RUNX1: variants seen among roughly 807,000 people sequenced by gnomAD.
RUNX1 encodes RUNX family transcription factor 1.
A neutral mutation model predicts 42.8 loss-of-function variants in RUNX1; 19 were observed. That is an observed-to-expected ratio of 0.44 (90% CI 0.31 to 0.65). The LOEUF (loss-of-function observed/expected upper bound fraction) is 0.65. Among genes scored for constraint, RUNX1 ranks in the 30% least tolerant of loss-of-function variants. The pLI is 0.07. For missense variants in RUNX1, 528 were observed against 672.0 expected (o/e 0.79, Z 2.37); for synonymous variants, 271 against 289.4 (o/e 0.94, Z 0.64).
At chr21:34,849,008 T>C (rs1304629081) in intron 6 of RUNX1, among the ~76,000 whole-genome samples, 1 of 151,410 alleles carries the variant, frequency 6.6e-6, no homozygotes, top group Admixed American at 6.6e-5. Flanking sequence ...CAAAAACAAA[T>C]ACAAAATCAA....
At chr21:34,859,424 G>A in intron 6 of RUNX1, 50 bp downstream of exon 6, 1 of 1,297,778 alleles carries the variant, frequency 7.7e-7, no homozygotes, top group Non-Finnish European at 1.1e-6. Context: ...TACCAGCCTG[G>A]AGGGTGTACC....
At chr21:34,923,285 T>G (rs1164521186) in intron 2 of RUNX1, among the ~76,000 whole-genome samples, 1 of 152,230 alleles carries the variant, frequency 6.6e-6, no homozygotes, top group Non-Finnish European at 1.5e-5. Context: ...ATGAAATATC[T>G]ATATTTAAAT....
intron 2 of RUNX1, among the ~76,000 whole-genome samples, chr21:34,998,431 C>T (rs2059013587): frequency 6.6e-6 from 1 of 152,144 alleles, no homozygotes; most frequent in African/African-American, 2.4e-5. Context: ...CATCCTCCTC[C>T]TCAGAGAATT....
At chr21:34,834,171 T>C (rs1386942028) in intron 7 of RUNX1, 1 of 698,950 alleles carries the variant, frequency 1.4e-6, no homozygotes, top group Non-Finnish European at 2.6e-6. Flanking sequence ...TCTGTAGCAG[T>C]GCTTTTCCTT....
intron 3 of RUNX1, among the ~76,000 whole-genome samples, chr21:34,891,496 C>G (rs561508422): frequency 1.3e-5 from 2 of 152,192 alleles, no homozygotes; most frequent in Non-Finnish European, 2.9e-5. Context: ...ACCCCTTAGT[C>G]GGCCGGGCAT....
chr21:34,888,623 G>C, intron 3 of RUNX1: 1 of 1,056,214 alleles, frequency 9.5e-7, no homozygotes, highest in African/African-American at 1.7e-5. Context: ...CGCAGGGCCG[G>C]GCAGCGTGGT....
At chr21:35,035,951 G>A (rs1424724520) in intron 2 of RUNX1, among the ~76,000 whole-genome samples, 2 of 152,180 alleles carry the variant, frequency 1.3e-5, no homozygotes, top group Admixed American at 6.5e-5. Context: ...AAACTGAGAG[G>A]GTTAAGGGTT....
chr21:34,793,531 G>T (rs2056480329), intron 8 of RUNX1, among the ~76,000 whole-genome samples: 2 of 151,536 alleles, frequency 1.3e-5, no homozygotes, highest in South Asian at 2.1e-4. Flanking sequence ...ATCCAAAAAA[G>T]AATACTTCCT....
intron 2 of RUNX1, among the ~76,000 whole-genome samples, chr21:34,974,985 T>G (rs752087764): frequency 1.3e-5 from 2 of 152,022 alleles, no homozygotes; most frequent in African/African-American, 2.4e-5. Flanking sequence ...AGGCTCAGAG[T>G]GATTGGATAA....
At chr21:34,793,533 A>T (rs1400994321) in intron 8 of RUNX1, among the ~76,000 whole-genome samples, 1 of 152,072 alleles carries the variant, frequency 6.6e-6, no homozygotes, top group Admixed American at 6.5e-5. Context: ...CCAAAAAAGA[A>T]TACTTCCTGA....
intron 7 of RUNX1, chr21:34,821,397 A>G (rs924150522): frequency 1.5e-5 from 19 of 1,282,166 alleles, no homozygotes; most frequent in East Asian, 2.8e-5. Flanking sequence ...AATACACACA[A>G]TGCTTCCCAT....
At chr21:34,889,675 A>G (rs1220621841) in intron 3 of RUNX1, 3 of 1,151,582 alleles carry the variant, frequency 2.6e-6, no homozygotes, top group South Asian at 2.0e-5. Context: ...TGCGGAACCC[A>G]CCCCGGCTTC....
At chr21:34,924,567 G>C (rs1006639) in intron 2 of RUNX1, among the ~76,000 whole-genome samples, 8 of 152,012 alleles carry the variant, frequency 5.3e-5, no homozygotes, top group Non-Finnish European at 1.2e-4. Flanking sequence ...AAACGAAGAA[G>C]GTGTTTGGGA....
Position 34,792,686 on chromosome 21 carries a change from G to A in RUNX1, c.968-76C>T. On this transcript the variant is annotated intron_variant, in intron 8 of 8. Coordinates refer to ENST00000675419, the MANE Select transcript of RUNX1 (RefSeq NM_001754.5). This position sits in a 1 kb window ranked among gnomAD's most constrained non-coding sequence, Gnocchi z 6.9. Reference sequence around the variant, plus strand: ...GCCACAGCTCTTCCCTCTGCCCCAGGGGGCTACCCAGGATGATACCGCCTA... The same window carrying A: ...GCCACAGCTCTTCCCTCTGCCCCAGAGGGCTACCCAGGATGATACCGCCTA... 1 of 1,385,428 alleles carries A rather than the reference G, an allele frequency of 7.2e-7. No individual in the cohort carries two copies. Among genetic ancestry groups the A allele is most frequent in the Non-Finnish European group, 9.8e-7 (1 of 1,023,488 alleles). 85.8% of individuals were successfully genotyped at this position (1,385,428 alleles called of 1,614,324 possible).
intron 5 of RUNX1, 122 bp from the exon 6 acceptor site, chr21:34,859,700 ACT>A: frequency 2.3e-6 from 2 of 863,160 alleles, no homozygotes; most frequent in Non-Finnish European, 4.0e-6. Flanking sequence ...TTTTGACAAC[ACT>A]CCCGGAATTT....
intron 2 of RUNX1, among the ~76,000 whole-genome samples, chr21:34,926,952 T>C (rs1297831828): frequency 6.6e-6 from 1 of 152,074 alleles, no homozygotes; most frequent in Non-Finnish European, 1.5e-5. Flanking sequence ...TCTGGAGTGG[T>C]TTCTCTCACT....
rs757377942 is a variant in RUNX1, at chr21:34,792,024, T to G, written c.*111A>C. The stretch of plus-strand genomic sequence containing the variant: ...TCGGGCGCCCTCGGCCCCAGGACGG[T>G]GGCCGGGCCCAGGGCCCGGGATCCC... On this transcript the variant is annotated 3_prime_UTR_variant, in exon 9 of 9. Coordinates refer to ENST00000675419, the MANE Select transcript of RUNX1 (RefSeq NM_001754.5). This position sits in a 1 kb window ranked among gnomAD's most constrained non-coding sequence, Gnocchi z 6.9. The G allele has an allele frequency of 3.0e-5, 20 of 660,482 alleles. No individual in the cohort carries two copies. The African/African-American group carries it at 3.8e-4, about 12-fold the overall frequency. The allele number at this position is 660,482 out of a possible 1,614,324, so 40.9% of individuals were successfully genotyped here.
chr21:34,927,715 T>C (rs917123229), intron 2 of RUNX1, among the ~76,000 whole-genome samples: 1 of 152,212 alleles, frequency 6.6e-6, no homozygotes, highest in Non-Finnish European at 1.5e-5. Context: ...ACTGTTAGTA[T>C]AGACAGAGGG....
intron 8 of RUNX1, among the ~76,000 whole-genome samples, chr21:34,797,639 A>G (rs529076416): frequency 9.8e-5 from 15 of 152,340 alleles, no homozygotes; most frequent in African/African-American, 3.6e-4. Context: ...CTTGAGGGAT[A>G]AGCTTCTAGA....
Sources: gnomAD v4.1 joint callset for allele counts (sites outside exome capture counted in the v4.1 genomes callset) on GRCh38, gnomAD v4.1.1 for gene constraint, Gnocchi (gnomAD v3.1) non-coding constraint, MANE v1.5 for transcripts, NCBI Gene and HGNC (gene_info 2026-07-23, HGNC 2026-07-21) for gene names.